The following TET2 variants were observed in gnomAD, a reference collection of about 807,000 sequenced individuals.
TET2 encodes the protein tet methylcytosine dioxygenase 2.
TET2 carries 299 observed loss-of-function variants against 142.9 expected under a neutral mutation model. The observed-to-expected ratio is 2.09, with a 90% CI of 1.90 to 2.30. The LOEUF is 2.30. TET2 is among the 30% of genes most tolerant of loss of function. The probability of loss-of-function intolerance (pLI) is 0.00; values close to 1 mark genes in which losing one functional copy is unlikely to be tolerated. For missense variants in TET2, 2,418 were observed against 2,378.0 expected (o/e 1.02, Z -0.35); for synonymous variants, 819 against 849.0 (o/e 0.96, Z 0.61).
chr4:105,234,580 T>C lies in TET2; in HGVS notation c.638T>C (p.Val213Ala). The C allele has an allele frequency of 1.2e-6, 2 of 1,614,122 alleles. No individual in the cohort carries two copies. The highest frequency in any genetic ancestry group is 1.7e-6 in the Non-Finnish European group (2 of 1,180,014). Reference sequence around the variant, plus strand: ...GTGCTAATGCCTAATGGTGCTACAGTTTCTGCCTCTTCCGTGGAACACACA... The same window carrying C: ...GTGCTAATGCCTAATGGTGCTACAGCTTCTGCCTCTTCCGTGGAACACACA... ...KAVLMPNGAT[V>A]SASSVEHTHG... is the part of the protein sequence containing the mutation. The change falls in exon 3 of 11, where the codon GTT (valine) becomes GCT (alanine). Residue 213 changes from valine (V) to alanine (A), a missense_variant. Coordinates refer to ENST00000380013, the MANE Select transcript of TET2 (RefSeq NM_001127208.3).
intron 1 of TET2, among the ~76,000 whole-genome samples, chr4:105,181,990 TATTTTATGTA>T (rs1412139469): frequency 6.6e-6 from 1 of 152,108 alleles, no homozygotes; most frequent in East Asian, 1.9e-4. Context: ...ATTATGAAAA[TATTTTATGTA>T]ATTTTATGTA....
intron 9 of TET2, among the ~76,000 whole-genome samples, chr4:105,272,045 T>A (rs1461055469): frequency 6.6e-6 from 1 of 152,214 alleles, no homozygotes; most frequent in Non-Finnish European, 1.5e-5. Context: ...AGTTATCTTA[T>A]GGAAATTTCT....
In TET2 at chr4:105,243,792, A is replaced by G. The variant is rs2110256262; in HGVS notation, c.3803+14A>G. 1 of 1,549,978 alleles carries G rather than the reference A, an allele frequency of 6.5e-7. No individual in the cohort carries two copies. Among genetic ancestry groups the G allele is most frequent in the Non-Finnish European group, 8.7e-7 (1 of 1,145,486 alleles). The stretch of plus-strand genomic sequence containing the variant: ...CTTGAATGAAGAGTAAGTGAAGCCC[A>G]GGGCCTCTCCCCTCTTTGCGGCCAC... On this transcript the variant is annotated intron_variant, in intron 6 of 10. Coordinates refer to ENST00000380013, the MANE Select transcript of TET2 (RefSeq NM_001127208.3).
chr4:105,259,564 G>T (rs922009502), intron 6 of TET2, 55 bp from the exon 7 acceptor site: 2 of 1,508,780 alleles, frequency 1.3e-6, no homozygotes, highest in Non-Finnish European at 1.8e-6. Flanking sequence ...AATATCAGCT[G>T]CACAGCCTAT....
intron 3 of TET2, chr4:105,237,627 G>T: frequency 2.9e-6 from 4 of 1,367,080 alleles, no homozygotes; most frequent in Non-Finnish European, 1.9e-6. Flanking sequence ...GAATGTATCT[G>T]TTTTAGATCA....
intron 8 of TET2, among the ~76,000 whole-genome samples, chr4:105,267,518 A>G (rs1263624263): frequency 6.8e-6 from 1 of 146,352 alleles, no homozygotes; most frequent in Non-Finnish European, 1.5e-5. Context: ...ACGTTAGAGT[A>G]CACTGTGTAC....
chr4:105,194,848 A>T (rs1377516573), intron 2 of TET2, among the ~76,000 whole-genome samples: 1 of 152,150 alleles, frequency 6.6e-6, no homozygotes, highest in Non-Finnish European at 1.5e-5. Context: ...TCTCCATTAC[A>T]CATGCCACAT....
intron 4 of TET2, chr4:105,242,396 G>C: frequency 2.8e-6 from 3 of 1,082,380 alleles, no homozygotes; most frequent in Non-Finnish European, 3.4e-6. Flanking sequence ...CTATTTGCCA[G>C]CCTCCTTTTC....
chr4:105,247,922 A>T (rs985516301), intron 6 of TET2, among the ~76,000 whole-genome samples: 1 of 151,844 alleles, frequency 6.6e-6, no homozygotes. Context: ...GGGTTTCGCC[A>T]TGTTGGCCAG....
intron 1 of TET2, among the ~76,000 whole-genome samples, chr4:105,155,025 T>C (rs1009290437): frequency 1.3e-5 from 2 of 151,804 alleles, no homozygotes; most frequent in Non-Finnish European, 2.9e-5. Flanking sequence ...ACCCTCTCTC[T>C]CAAAAAAAAA....
chr4:105,166,613 A>T (rs530485208), intron 1 of TET2, among the ~76,000 whole-genome samples: 3 of 151,530 alleles, frequency 2.0e-5, no homozygotes, highest in Admixed American at 6.6e-5. Flanking sequence ...TCTTACAGAA[A>T]AAAAAAGAAA....
intron 2 of TET2, chr4:105,190,756 G>A (rs148393395): frequency 2.5e-6 from 1 of 404,238 alleles, no homozygotes; most frequent in East Asian, 3.9e-5. Context: ...CAATGTCTAT[G>A]GAGTTTTTAA....
chr4:105,257,146 T>C (rs1396823168), intron 6 of TET2, among the ~76,000 whole-genome samples: 1 of 152,138 alleles, frequency 6.6e-6, no homozygotes, highest in African/African-American at 2.4e-5. Context: ...TTTAAACTAA[T>C]GTAATGGCTG....
Position 105,213,142 on chromosome 4 carries a change from A to G in TET2, c.-46-20755A>G, listed in dbSNP as rs142242236. On this transcript the variant is annotated intron_variant, in intron 2 of 10. Coordinates refer to ENST00000380013, the MANE Select transcript of TET2 (RefSeq NM_001127208.3). ...CTTGAGTTTAAATCTTAACTCCTCA[A>G]TTCTTTTTCTGACATAGAAATATAC... Among the ~76,000 whole-genome samples the G allele has an allele frequency of 9.6e-4, 146 of 152,268 alleles. 1 individual carries two copies. Among genetic ancestry groups the G allele is most frequent in the African/African-American group, 3.4e-3 (143 of 41,566 alleles).
At chr4:105,256,656 C>T (rs373135817) in intron 6 of TET2, among the ~76,000 whole-genome samples, 192 of 152,164 alleles carry the variant, frequency 1.3e-3, no homozygotes, top group African/African-American at 4.0e-3. Flanking sequence ...GAGAAGTTTT[C>T]GGCCATTATT....
At chr4:105,274,332 TC>T (rs1731096311) in intron 10 of TET2, among the ~76,000 whole-genome samples, 1 of 152,222 alleles carries the variant, frequency 6.6e-6, no homozygotes, top group South Asian at 2.1e-4. Flanking sequence ...GCTGAAAGTT[TC>T]TTTAAAGTGT....
intron 3 of TET2, 78 bp from the exon 4 acceptor site, chr4:105,241,261 G>T: frequency 6.9e-7 from 1 of 1,444,332 alleles, no homozygotes; most frequent in South Asian, 1.5e-5. Context: ...GTGTAGTTGG[G>T]GGTTAAGCTT....
intron 2 of TET2, among the ~76,000 whole-genome samples, chr4:105,233,350 C>T (rs1218246465): frequency 3.3e-5 from 4 of 121,350 alleles, no homozygotes; most frequent in Non-Finnish European, 6.4e-5. Flanking sequence ...TGCCGCTGCA[C>T]TCCAGCCTGG....
rs937035385 is a variant in TET2 at position 105,243,745 on chromosome 4, C to G, written c.3770C>G (p.Thr1257Arg). The change falls in exon 6 of 11, where the codon ACG becomes AGG. Residue 1257 changes from threonine to arginine, a missense_variant. Thr to Arg is a moderately conservative substitution (Grantham distance 71). Transcript: ENST00000380013. ...ELTETLRKYG[T>R]LTNRRCALNE... is the part of the protein sequence containing the mutation. ...ACCGAGACGCTGAGGAAATACGGCA[C>G]GCTCACCAATCGCCGGTGTGCCTTG... The G allele has an allele frequency of 6.4e-7, 1 of 1,551,516 alleles. No individual in the cohort carries two copies. The highest frequency in any genetic ancestry group is 8.7e-7 in the Non-Finnish European group (1 of 1,146,924).
Sources: gnomAD v4.1 joint callset for allele counts (sites outside exome capture counted in the v4.1 genomes callset) on GRCh38, gnomAD v4.1.1 for gene constraint, MANE v1.5 for transcripts, NCBI Gene and HGNC (gene_info 2026-07-23, HGNC 2026-07-21) for gene names.